Variants in KLHL8 observed in about 807,000 individuals in gnomAD.
KLHL8 encodes kelch-like protein 8.
KLHL8 carries 38 observed loss-of-function variants against 63.5 expected under a neutral mutation model. The ratio of observed to expected loss-of-function variants is 0.60; its 90% CI spans 0.46 to 0.78. The LOEUF (loss-of-function observed/expected upper bound fraction) is 0.78. Among genes scored for constraint, KLHL8 ranks in the 30% least tolerant of loss-of-function variants. The pLI is 0.00. For synonymous variants in KLHL8, 224 were observed against 254.3 expected, an observed-to-expected ratio of 0.88 and a Z score of 1.13; for missense variants, 566 against 752.4, an observed-to-expected ratio of 0.75 and a Z score of 2.90.
chr4:87,166,544 C>T (rs1730407201), intron 8 of KLHL8, among the ~76,000 whole-genome samples: 1 of 152,166 alleles, frequency 6.6e-6, no homozygotes. Flanking sequence ...TAAAATGATT[C>T]TGAAAGATAG....
At chr4:87,228,537 A>G (rs1228184963) in intron 1 of KLHL8, among the ~76,000 whole-genome samples, 1 of 152,224 alleles carries the variant, frequency 6.6e-6, no homozygotes, top group Admixed American at 6.5e-5. Flanking sequence ...CAGTTGAGAA[A>G]AGGATAATAT....
At position 87,176,836 on chromosome 4, in the gene KLHL8, T is replaced by C. The variant is rs1268742994; in HGVS notation, c.1129A>G (p.Asn377Asp). Residue 377 changes from asparagine (N) to aspartate (D), a missense_variant, in exon 6 of 10, where the codon AAT (asparagine) becomes GAT (aspartate). Physicochemically the swap from Asn to Asp is conservative, Grantham distance 23 (BLOSUM62 1). Transcript: ENST00000273963. ...ATCTCCATACTCCCTAAATGTTCATTTCCATCATGTCCACCTACTGCATAC... is the reference window on the plus strand; with the variant it reads ...ATCTCCATACTCCCTAAATGTTCATCTCCATCATGTCCACCTACTGCATAC... Reference protein sequence around the residue: ...KVYAVGGHDGNEHLGSMEMFD... With the variant: ...KVYAVGGHDGDEHLGSMEMFD... The C allele has an allele frequency of 1.2e-6, 2 of 1,606,720 alleles. No homozygotes were observed. Among genetic ancestry groups the C allele is most frequent in the South Asian group, 2.2e-5 (2 of 89,810 alleles).
At chr4:87,209,503 C>T (rs562550323) in intron 1 of KLHL8, among the ~76,000 whole-genome samples, 6 of 152,160 alleles carry the variant, frequency 3.9e-5, no homozygotes, top group East Asian at 1.9e-4. Flanking sequence ...TATAGTTCAA[C>T]GCAGAGCATA....
intron 2 of KLHL8, among the ~76,000 whole-genome samples, chr4:87,194,463 G>A (rs568700925): frequency 1.3e-5 from 2 of 152,112 alleles, no homozygotes; most frequent in African/African-American, 4.8e-5. Context: ...ATTTGAGCCC[G>A]AGTTTGAGAC....
At chr4:87,237,140 C>T (rs1199496657) in intron 1 of KLHL8, among the ~76,000 whole-genome samples, 2 of 152,204 alleles carry the variant, frequency 1.3e-5, no homozygotes, top group African/African-American at 4.8e-5. Flanking sequence ...GTCCCAGTCA[C>T]TGTGTCAGGC....
intron 2 of KLHL8, among the ~76,000 whole-genome samples, chr4:87,194,950 T>C (rs1054903142): frequency 2.0e-4 from 31 of 152,314 alleles, no homozygotes; most frequent in African/African-American, 7.2e-4. Context: ...GACTTCTAAC[T>C]TACTTCTGTA....
intron 2 of KLHL8, among the ~76,000 whole-genome samples, chr4:87,191,119 T>C (rs1731468264): frequency 6.6e-6 from 1 of 152,152 alleles, no homozygotes; most frequent in Admixed American, 6.5e-5. Context: ...ATATATAATA[T>C]ACAAATAAAA....
chr4:87,220,759 T>G (rs1374289854), upstream of KLHL8: 1 of 152,206 alleles, frequency 6.6e-6, no homozygotes, highest in Non-Finnish European at 1.5e-5. Flanking sequence ...TGGGCAGTGT[T>G]GCCCGGCCTG....
Position 87,176,759 on chromosome 4 carries a change from CTT to C in KLHL8, c.1204_1205del (p.Lys402GlufsTer21), listed in dbSNP as rs754074065. ...KWMMKASMNT[K>X]RRGIALASLG... The stretch of plus-strand genomic sequence containing the variant: ...AATAACTTTCCATGCTGATCTACCT[CTT>C]TGTGTTCATTGATGCCTTCATCATC... On this transcript the variant is annotated frameshift_variant, in exon 6 of 10. Transcript: ENST00000273963. LOFTEE classifies it high-confidence loss of function. 7 of 1,518,442 alleles carry C rather than the reference CTT, an allele frequency of 4.6e-6. No individual in the cohort carries two copies. In the African/African-American group the frequency reaches 6.9e-5, roughly 15 times the overall value. 94.1% of individuals were successfully genotyped at this position (1,518,442 alleles called of 1,614,324 possible). A position where few individuals can be genotyped will look rare whatever the true frequency, so the allele number is the denominator to read the frequency against.
intron 6 of KLHL8, among the ~76,000 whole-genome samples, chr4:87,173,565 T>C (rs1014626050): frequency 6.6e-6 from 1 of 152,126 alleles, no homozygotes; most frequent in Non-Finnish European, 1.5e-5. Flanking sequence ...CATGTGAAAA[T>C]GTATTGAAAT....
At chr4:87,195,929 T>C (rs967902376) in intron 1 of KLHL8, among the ~76,000 whole-genome samples, 8 of 152,152 alleles carry the variant, frequency 5.3e-5, no homozygotes, top group Non-Finnish European at 8.8e-5. Flanking sequence ...ACTTTTGAGA[T>C]GTGTAATATG....
chr4:87,178,403 A>T, intron 5 of KLHL8, 74 bp downstream of exon 5: 1 of 1,402,222 alleles, frequency 7.1e-7, no homozygotes, highest in Non-Finnish European at 9.7e-7. Context: ...TTATATAAAA[A>T]TAAATTCTCA....
chr4:87,221,395 A>C (rs1171072888), upstream of KLHL8: 1 of 83,358 alleles, frequency 1.2e-5, no homozygotes, highest in African/African-American at 3.4e-5. Context: ...CTCCGTCTAA[A>C]AAAAAAAAAA....
rs996795736 is a variant in KLHL8, at chr4:87,162,580, A to G, written c.*939T>C. 1 of 152,216 alleles carries G rather than the reference A, an allele frequency of 6.6e-6. No homozygotes were observed. The highest frequency in any genetic ancestry group is 1.5e-5 in the Non-Finnish European group (1 of 68,042). The allele number at this position is 152,216 out of a possible 1,614,324, so 9.4% of individuals were successfully genotyped here. A position where few individuals can be genotyped will look rare whatever the true frequency, so the allele number is the denominator to read the frequency against. ...TGCAGATTGATTCTGTACAGTCAGA[A>G]AAACCAGGATGGTGGCAAATAGCAA... is the stretch of plus-strand genomic sequence containing the variant. On this transcript the variant is annotated 3_prime_UTR_variant, in exon 10 of 10. Transcript: ENST00000273963.
At chr4:87,219,721 T>C (rs919336561) in intron 1 of KLHL8, 6 of 152,516 alleles carry the variant, frequency 3.9e-5, no homozygotes, top group African/African-American at 1.4e-4. Flanking sequence ...GCTGTCATCG[T>C]GGCGGTAACA....
chr4:87,178,896 A>T (rs1469484394), intron 4 of KLHL8, among the ~76,000 whole-genome samples: 1 of 152,148 alleles, frequency 6.6e-6, no homozygotes, highest in Non-Finnish European at 1.5e-5. Context: ...AACAAAACCA[A>T]TCAGCCTCTA....
At chr4:87,200,156 A>G (rs1045087214) in intron 1 of KLHL8, among the ~76,000 whole-genome samples, 15 of 151,114 alleles carry the variant, frequency 9.9e-5, no homozygotes, top group South Asian at 4.2e-4. Flanking sequence ...AAAAAAAAAA[A>G]AAAAGAAAAA....
intron 6 of KLHL8, among the ~76,000 whole-genome samples, chr4:87,175,504 T>C (rs1730789562): frequency 6.6e-6 from 1 of 152,250 alleles, no homozygotes; most frequent in South Asian, 2.1e-4. Context: ...AAGGCAGGTT[T>C]TAACCTATAA....
In KLHL8 at chr4:87,163,411, A is replaced by G; in HGVS notation, c.*108T>C. ...TCACAATACAACAGTTAACATTTAA[A>G]TAAGACTCTAGTTGCAGTAAAAAGT... On this transcript the variant is annotated 3_prime_UTR_variant, in exon 10 of 10. Transcript: ENST00000273963. 9 of 1,107,390 alleles carry G rather than the reference A, an allele frequency of 8.1e-6. No individual in the cohort carries two copies. Among genetic ancestry groups the G allele is most frequent in the Admixed American group, 2.2e-5 (1 of 44,774 alleles). 68.6% of individuals were successfully genotyped at this position (1,107,390 alleles called of 1,614,324 possible).
Sources: allele counts gnomAD v4.1 joint callset (sites outside exome capture counted in the v4.1 genomes callset), GRCh38; gene constraint gnomAD v4.1.1; transcripts MANE v1.5; gene names NCBI Gene and HGNC (gene_info 2026-07-23, HGNC 2026-07-21).